Variants in HOOK2 observed in about 807,000 individuals in gnomAD.
HOOK2 encodes the protein hook microtubule tethering protein 2.
A neutral mutation model predicts 111.9 loss-of-function variants in HOOK2; 108 were observed. That is an observed-to-expected ratio of 0.96 (90% confidence interval 0.83 to 1.13). The LOEUF (loss-of-function observed/expected upper bound fraction) is 1.13. Ranked by LOEUF, HOOK2 falls within the 50% of genes most tolerant of loss-of-function variation. The pLI, the probability that HOOK2 is intolerant of heterozygous loss-of-function variation, is 0.00. For missense variants in HOOK2, 978 were observed against 951.3 expected, an observed-to-expected ratio of 1.03 and a Z score of -0.37; for synonymous variants, 405 against 394.3, an observed-to-expected ratio of 1.03 and a Z score of -0.32.
rs773620837 is a variant in HOOK2, at chr19:12,767,442, G to A, written c.1326C>T (p.Ser442=). The part of the protein sequence containing the change: ...TQADPSLDPT[S]TPVDNLAAEI... ...CTGCGGCTAAGTTATCCACGGGTGT[G>A]GAGGTGGGATCCAGTGAGGGATCTG... is the stretch of plus-strand genomic sequence containing the variant. Residue 442 remains serine (S), a synonymous_variant, in exon 14 of 23, where the codon TCC becomes TCT. Transcript: ENST00000397668. 2.5e-6 allele frequency: 4 copies of A among 1,613,934 alleles called. No homozygotes were observed. The African/African-American group carries it at 4.0e-5, about 16-fold the overall frequency.
At chr19:12,764,181 A>C (rs1968081472) in intron 20 of HOOK2, among the ~76,000 whole-genome samples, 1 of 150,234 alleles carries the variant, frequency 6.7e-6, no homozygotes, top group African/African-American at 2.5e-5. Context: ...ATCCCGCCTA[A>C]TTTTTCTATT....
In HOOK2 at chr19:12,770,619, G is replaced by C. The variant is rs138729249; in HGVS notation, c.902+313C>G. Among the ~76,000 whole-genome samples, 3 of 150,946 alleles carry C rather than the reference G, an allele frequency of 2.0e-5. No homozygotes were observed. The East Asian group carries it at 5.9e-4, about 30-fold the overall frequency. ...CATTATGAAGCCCAAACTGTGCAGT[G>C]GGATCTGCAGAGCATTGTAGGGGAG... On this transcript the variant is annotated intron_variant, in intron 10 of 22. Transcript: ENST00000397668.
At position 12,765,726 on chromosome 19, in the gene HOOK2, TG is replaced by T; in HGVS notation, c.1606-3del. ...CAGCTTCCTTTTCAGCAAAATGGAC[TG>T]GGAGAGAGAAGAGGCAAGGTGAGTG... On this transcript the variant is annotated splice_region_variant and splice_polypyrimidine_tract_variant and intron_variant, in intron 17 of 22. Transcript: ENST00000397668. 6.2e-7 allele frequency: 1 copy of T among 1,614,166 alleles called. No individual in the cohort carries two copies. The highest frequency in any genetic ancestry group is 8.5e-7 in the Non-Finnish European group (1 of 1,180,030).
intron 3 of HOOK2, chr19:12,773,846 C>T (rs1334017243): frequency 6.5e-6 from 1 of 152,980 alleles, no homozygotes; most frequent in Non-Finnish European, 1.5e-5. Flanking sequence ...ATGACCTCAT[C>T]TCCTACAAAT....
In HOOK2 at chr19:12,791,298, G is replaced by A. The variant is rs1968709778; in HGVS notation, n.42-17073C>T. 6.6e-6 allele frequency among the ~76,000 whole-genome samples: 1 copy of A among 152,132 alleles called. No homozygotes were observed. The highest frequency in any genetic ancestry group is 6.5e-5 in the Admixed American group (1 of 15,282). ...GAGCCCCTCCCCCTGCAGCCCCGCCGAGCCACCCGGCCCGTGGCCGCTGTT... is the reference window on the plus strand; with the variant it reads ...GAGCCCCTCCCCCTGCAGCCCCGCCAAGCCACCCGGCCCGTGGCCGCTGTT... On this transcript the variant is annotated intron_variant and non_coding_transcript_variant, in intron 3 of 3. Coordinates refer to the HOOK2 transcript ENST00000589765. The surrounding 1 kb of genome is among the most constrained non-coding windows in gnomAD (Gnocchi z 7.0).
upstream of HOOK2, among the ~76,000 whole-genome samples, chr19:12,781,774 A>G (rs1389924541): frequency 6.6e-6 from 1 of 151,422 alleles, no homozygotes; most frequent in Non-Finnish European, 1.5e-5. Flanking sequence ...CACAATCACC[A>G]TGGAAGAAGT....
At chr19:12,774,409 A>G (rs1367831131) in intron 3 of HOOK2, 1 of 564,330 alleles carries the variant, frequency 1.8e-6, no homozygotes, top group Admixed American at 3.0e-5. Context: ...CCCAGCCTGG[A>G]AGTTAATTTT....
upstream of HOOK2, among the ~76,000 whole-genome samples, chr19:12,783,382 A>G (rs866713244): frequency 2.1e-5 from 2 of 95,154 alleles, no homozygotes; most frequent in South Asian, 3.8e-4. Flanking sequence ...CCAGCCCCCA[A>G]CCCCTCCTCC....
Position 12,774,654 on chromosome 19 carries a change from G to A in HOOK2, c.204+15C>T. ...CTTCACCAGTCTGTCCTCTAATCAG[G>A]AGTCCACTTGTCACCTTCAGCTTCC... On this transcript the variant is annotated intron_variant, in intron 3 of 22. Coordinates refer to ENST00000397668, the MANE Select transcript of HOOK2 (RefSeq NM_013312.3). 3 of 1,613,602 alleles carry A rather than the reference G, an allele frequency of 1.9e-6. No individual in the cohort carries two copies. In the South Asian group the frequency reaches 3.3e-5, roughly 18 times the overall value.
upstream of HOOK2, among the ~76,000 whole-genome samples, chr19:12,776,018 C>T (rs369110826): frequency 4.6e-3 from 694 of 149,832 alleles, 2 homozygotes; most frequent in Non-Finnish European, 7.5e-3. Context: ...GCTGGGACTA[C>T]AGGCGCCCGC....
At chr19:12,767,690 C>T in intron 13 of HOOK2, 126 bp downstream of exon 13, 5 of 941,456 alleles carry the variant, frequency 5.3e-6, no homozygotes, top group Non-Finnish European at 7.9e-6. Context: ...ACCGTGTCAC[C>T]TCTTTCTGGT....
intron 1 of HOOK2, chr19:12,775,104 G>C: frequency 2.3e-6 from 2 of 860,832 alleles, no homozygotes; most frequent in Non-Finnish European, 2.8e-6. Context: ...AACCCTGCGC[G>C]TCCAGGCCAG....
At chr19:12,792,297 C>T in intron 3 of HOOK2, 1 of 1,499,332 alleles carries the variant, frequency 6.7e-7, no homozygotes, top group Non-Finnish European at 8.9e-7. Context: ...CTACGCCGGC[C>T]CGGAGCCACC....
Position 12,774,923 on chromosome 19 carries a change from A to G in HOOK2, c.46-26T>C, listed in dbSNP as rs774607145. ...CTGAGGGGTAAAGGAAAGGACAAGG[A>G]AAGAGTTAGGGCCTGGGAGCGCCGA... On this transcript the variant is annotated intron_variant, in intron 1 of 22. Coordinates refer to ENST00000397668, the MANE Select transcript of HOOK2 (RefSeq NM_013312.3). 2.5e-6 allele frequency: 4 copies of G among 1,603,706 alleles called. No homozygotes were observed. The African/African-American group carries it at 5.4e-5, about 21-fold the overall frequency.
chr19:12,773,231 C>CTTTTTTTTTTTT (rs373156108), intron 3 of HOOK2, 187 bp from the exon 4 acceptor site: 49 of 254,944 alleles, frequency 1.9e-4, no homozygotes, highest in Non-Finnish European at 2.3e-4. Context: ...ATCTTTGTTT[C>CTTTTTTTTTTTT]TTTTTTTTTT....
At position 12,791,772 on chromosome 19, in the gene HOOK2, A is replaced by G. The variant is rs1968719154; in HGVS notation, n.42-17547T>C. 6.2e-7 allele frequency: 1 copy of G among 1,600,804 alleles called. No homozygotes were observed. Among genetic ancestry groups the G allele is most frequent in the Non-Finnish European group, 8.5e-7 (1 of 1,170,912 alleles). On this transcript the variant is annotated intron_variant and non_coding_transcript_variant, in intron 3 of 3. Coordinates refer to the HOOK2 transcript ENST00000589765. The surrounding 1 kb of genome is among the most constrained non-coding windows in gnomAD (Gnocchi z 7.0). ...TCCCCAGACCGCCTGGGCCGCCCGG[A>G]TGTGCACTAAAATGGAACAGCCCTT...
chr19:12,763,861 C>T, intron 20 of HOOK2, 83 bp from the exon 21 acceptor site: 1 of 917,104 alleles, frequency 1.1e-6, no homozygotes, highest in Non-Finnish European at 1.7e-6. Flanking sequence ...TTCATTCATT[C>T]TTTCATTCAT....
chr19:12,788,947 C>G (rs1968680170), intron 3 of HOOK2, among the ~76,000 whole-genome samples: 1 of 152,170 alleles, frequency 6.6e-6, no homozygotes, highest in Admixed American at 6.5e-5. Context: ...ACGCCCCCAG[C>G]TTCTGCTGGG....
At chr19:12,771,897 AAAG>A in intron 7 of HOOK2, 4 of 396,666 alleles carry the variant, frequency 1.0e-5, no homozygotes, top group East Asian at 4.5e-5. Context: ...AAAAAAAAAA[AAAG>A]AAAAAGAAAA....
Sources: allele counts gnomAD v4.1 joint callset (sites outside exome capture counted in the v4.1 genomes callset), GRCh38; gene constraint gnomAD v4.1.1; non-coding constraint Gnocchi (gnomAD v3.1); transcripts MANE v1.5; gene names NCBI Gene and HGNC (gene_info 2026-07-23, HGNC 2026-07-21).